TRIM41: variants seen among roughly 807,000 people sequenced by gnomAD.
TRIM41 encodes the protein E3 ubiquitin-protein ligase TRIM41.
In TRIM41, 21 loss-of-function variants were observed where a neutral mutation model predicts 60.6. That is an observed-to-expected ratio of 0.35 (90% CI 0.25 to 0.50). TRIM41 has a LOEUF of 0.50. Among genes scored for constraint, TRIM41 ranks in the 20% least tolerant of loss-of-function variants. The pLI is 0.98. For missense variants in TRIM41, 846 were observed against 868.3 expected, an observed-to-expected ratio of 0.97 and a Z score of 0.32; for synonymous variants, 407 against 344.9, an observed-to-expected ratio of 1.18 and a Z score of -2.00.
Position 181,232,788 on chromosome 5 carries a change from G to A in TRIM41, c.1039G>A (p.Gly347Arg). 6.2e-7 allele frequency: 1 copy of A among 1,610,116 alleles called. No homozygotes were observed. Among genetic ancestry groups the A allele is most frequent in the Non-Finnish European group, 8.5e-7 (1 of 1,178,894 alleles). ...GCATGAAGCCCAGCTGGGGCGTGCGGGAGCCGCGGCTAGTCGCCTTGCAGA... is the reference window on the plus strand; with the variant it reads ...GCATGAAGCCCAGCTGGGGCGTGCGAGAGCCGCGGCTAGTCGCCTTGCAGA... ...EMHEAQLGRA[G>R]AAASRLAEQA... Residue 347 changes from glycine (G) to arginine (R), a missense_variant, in exon 3 of 6, where the codon GGA becomes AGA. Coordinates refer to ENST00000315073, the MANE Select transcript of TRIM41 (RefSeq NM_033549.5).
chr5:181,224,698 C>G lies in TRIM41; in HGVS notation c.699C>G (p.Ala233=), dbSNP rs189073316. 15 of 1,614,086 alleles carry G rather than the reference C, an allele frequency of 9.3e-6. No individual in the cohort carries two copies. The highest frequency in any genetic ancestry group is 1.3e-5 in the Non-Finnish European group (15 of 1,180,050). Residue 233 remains alanine, a synonymous_variant, in exon 1 of 6, where the codon GCC becomes GCG. Transcript: ENST00000315073. ...GCATCTGTCCCAAACACCAAGAAGC[C>G]CTGAAGCTCTTCTGCGAGGTAGACG... is the stretch of plus-strand genomic sequence containing the variant. The part of the protein sequence containing the change: ...DQGICPKHQE[A]LKLFCEVDEE...
chr5:181,233,545 T>A lies in TRIM41; in HGVS notation c.1164-91T>A. ...TCCTTCCCCAGGACCTGAGTTTCCA[T>A]CTCCTGGACCCTCCTCTCCTTCCCC... On this transcript the variant is annotated intron_variant, in intron 4 of 5. Coordinates refer to ENST00000315073, the MANE Select transcript of TRIM41 (RefSeq NM_033549.5). The surrounding 1 kb of genome is among the most constrained non-coding windows in gnomAD (Gnocchi z 4.1). 1 of 1,609,406 alleles carries A rather than the reference T, an allele frequency of 6.2e-7. No homozygotes were observed. Among genetic ancestry groups the A allele is most frequent in the Non-Finnish European group, 8.5e-7 (1 of 1,176,394 alleles).
intron 1 of TRIM41, chr5:181,225,082 G>A (rs1714940089): frequency 3.8e-6 from 2 of 533,188 alleles, no homozygotes; most frequent in South Asian, 2.1e-5. Flanking sequence ...AGGTCTCTAG[G>A]GCTTTACCAG....
chr5:181,224,229 G>C lies in TRIM41; in HGVS notation c.230G>C (p.Gly77Ala). 6.2e-7 allele frequency: 1 copy of C among 1,613,466 alleles called. No homozygotes were observed. Among genetic ancestry groups the C allele is most frequent in the Non-Finnish European group, 8.5e-7 (1 of 1,179,786 alleles). Residue 77 changes from glycine to alanine, a missense_variant, in exon 1 of 6, where the codon GGG (glycine) becomes GCG (alanine). Coordinates refer to ENST00000315073, the MANE Select transcript of TRIM41 (RefSeq NM_033549.5). Reference protein sequence around the residue: ...DGEEEEVEAVGAGAGWDTPMR... With the variant: ...DGEEEEVEAVAAGAGWDTPMR... ...GAGGAGGAGGAAGTGGAGGCTGTGG[G>C]GGCTGGCGCGGGGTGGGACACCCCC...
chr5:181,232,985 G>T, intron 3 of TRIM41, 96 bp downstream of exon 3: 1 of 1,251,512 alleles, frequency 8.0e-7, no homozygotes, highest in South Asian at 1.3e-5. Flanking sequence ...TTTTCTCCCT[G>T]GGAGGAACCC....
In TRIM41 at chr5:181,234,596, C is replaced by T. The variant is rs146494227; in HGVS notation, c.1714C>T (p.Pro572Ser). ...QSSTEQTLLS[P>S]SEKPRRFGVY... is the part of the protein sequence containing the mutation. Reference sequence around the variant, plus strand: ...CTCCACAGAACAGACGCTGCTGAGCCCCAGTGAGAAACCAAGGCGCTTTGG... The same window carrying T: ...CTCCACAGAACAGACGCTGCTGAGCTCCAGTGAGAAACCAAGGCGCTTTGG... Residue 572 changes from proline to serine, a missense_variant, in exon 6 of 6, where the codon CCC becomes TCC. Pro to Ser is a moderately conservative substitution (Grantham distance 74, BLOSUM62 -1). Coordinates refer to ENST00000315073, the MANE Select transcript of TRIM41 (RefSeq NM_033549.5). This position sits in a 1 kb window ranked among gnomAD's most constrained non-coding sequence, Gnocchi z 5.6. The T allele has an allele frequency of 3.1e-6, 5 of 1,614,126 alleles. No individual in the cohort carries two copies. The highest frequency in any genetic ancestry group is 4.2e-6 in the Non-Finnish European group (5 of 1,179,966).
In TRIM41 at chr5:181,233,971, A is replaced by G. The variant is rs2546389; in HGVS notation, c.1292-203A>G. ...GGTGGGGTGGGGTGGAGTGGCAGGA[A>G]GAGCCAGGCTGGGGGAAGACCTGTC... On this transcript the variant is annotated intron_variant, in intron 5 of 5. Transcript: ENST00000315073. This position sits in a 1 kb window ranked among gnomAD's most constrained non-coding sequence, Gnocchi z 4.1. 0.01 allele frequency: 12,095 copies of G among 1,160,506 alleles called. 750 individuals are homozygous for G. In the African/African-American group the frequency reaches 0.15, roughly 14 times the overall value. 71.9% of individuals were successfully genotyped at this position (1,160,506 alleles called of 1,614,324 possible). A position where few individuals can be genotyped will look rare whatever the true frequency, so the allele number is the denominator to read the frequency against.
rs1759090478 is a variant in TRIM41 at position 181,235,795 on chromosome 5, T to C, written c.*1020T>C. On this transcript the variant is annotated 3_prime_UTR_variant, in exon 6 of 6. Coordinates refer to ENST00000315073, the MANE Select transcript of TRIM41 (RefSeq NM_033549.5). ...AAGGCGTGCTGTGGAAATAAAATGT[T>C]TATTTGCTTCTCTTGTGAGGTCTGT... 1 of 205,448 alleles carries C rather than the reference T, an allele frequency of 4.9e-6. No individual in the cohort carries two copies. Among genetic ancestry groups the C allele is most frequent in the African/African-American group, 2.3e-5 (1 of 43,808 alleles). The allele number at this position is 205,448 out of a possible 1,614,324, so 12.7% of individuals were successfully genotyped here. A position where few individuals can be genotyped will look rare whatever the true frequency, so the allele number is the denominator to read the frequency against.
At position 181,224,446 on chromosome 5, in the gene TRIM41, T is replaced by C; in HGVS notation, c.447T>C (p.Asp149=). 6.2e-7 allele frequency: 1 copy of C among 1,611,816 alleles called. No individual in the cohort carries two copies. The highest frequency in any genetic ancestry group is 1.7e-5 in the Admixed American group (1 of 59,856). The change falls in exon 1 of 6, where the codon GAT becomes GAC. Residue 149 remains aspartate (D), a synonymous_variant. Transcript: ENST00000315073. The part of the protein sequence containing the change: ...DMEEEDLRGE[D]EEDEEEVLEE... ...AGGAGGAGGACCTGAGGGGGGAGGA[T>C]GAGGAGGACGAGGAGGAAGTGCTGG...
At position 181,234,130 on chromosome 5, in the gene TRIM41, C is replaced by T. The variant is rs753408841; in HGVS notation, c.1292-44C>T. ...GTGGAGTTGGCTGCTGACAGGGGAA[C>T]AGCCGTTCCAGCCCTGGCGTATTTG... is the stretch of plus-strand genomic sequence containing the variant. On this transcript the variant is annotated intron_variant, in intron 5 of 5. Transcript: ENST00000315073. The surrounding 1 kb of genome is among the most constrained non-coding windows in gnomAD (Gnocchi z 5.6). 6.2e-7 allele frequency: 1 copy of T among 1,601,450 alleles called. No individual in the cohort carries two copies. Among genetic ancestry groups the T allele is most frequent in the Non-Finnish European group, 8.5e-7 (1 of 1,179,794 alleles).
intron 1 of TRIM41, chr5:181,228,558 CAAAAAAAAAAAAA>C (rs1165609216): frequency 2.0e-5 from 1 of 50,384 alleles, no homozygotes; most frequent in Non-Finnish European, 4.3e-5. Context: ...ACTCCCATCT[CAAAAAAAAAAAAA>C]AAAAAAAAAA....
In TRIM41 at chr5:181,235,315, T is replaced by C. The variant is rs1420768657; in HGVS notation, c.*540T>C. The C allele has an allele frequency of 6.2e-7, 1 of 1,614,154 alleles. No individual in the cohort carries two copies. Among genetic ancestry groups the C allele is most frequent in the Admixed American group, 1.7e-5 (1 of 60,024 alleles). ...GTCTATTCTCCTGGGGAGGAGGGAT[T>C]CTAAACTTTCCTTCCGTCCTCAATT... On this transcript the variant is annotated 3_prime_UTR_variant, in exon 6 of 6. Transcript: ENST00000315073.
rs757386225 is a variant in TRIM41 at position 181,234,318 on chromosome 5, A to C, written c.1436A>C (p.Gln479Pro). 6.2e-7 allele frequency: 1 copy of C among 1,611,886 alleles called. No homozygotes were observed. The highest frequency in any genetic ancestry group is 8.5e-7 in the Non-Finnish European group (1 of 1,179,434). The part of the protein sequence containing the change: ...FSADCCVLGA[Q>P]GFRSGRHYWE... ...GCCGACTGCTGCGTACTGGGGGCCC[A>C]GGGCTTCCGCTCCGGCCGGCACTAC... The change falls in exon 6 of 6, where the codon CAG becomes CCG. Residue 479 changes from glutamine (Q) to proline (P), a missense_variant. By Grantham distance (76) the Gln-to-Pro change is moderately conservative. Coordinates refer to ENST00000315073, the MANE Select transcript of TRIM41 (RefSeq NM_033549.5). The surrounding 1 kb of genome is among the most constrained non-coding windows in gnomAD (Gnocchi z 5.6).
In TRIM41 at chr5:181,223,979, A is replaced by ACTGG; in HGVS notation, c.-12_-9dup. The ACTGG allele has an allele frequency of 1.3e-6, 2 of 1,599,060 alleles. No individual in the cohort carries two copies. Among genetic ancestry groups the ACTGG allele is most frequent in the Non-Finnish European group, 1.7e-6 (2 of 1,170,782 alleles). The stretch of plus-strand genomic sequence containing the variant: ...CCTCGCCCCCCCACCGAACCTCTAC[A>ACTGG]CTGGCTGGCTGGACACTAAGATGGC... On this transcript the variant is annotated 5_prime_UTR_variant, in exon 1 of 6. Coordinates refer to ENST00000315073, the MANE Select transcript of TRIM41 (RefSeq NM_033549.5).
In TRIM41 at chr5:181,235,696, TCTTGC is replaced by T; in HGVS notation, c.*926_*930del. ...GGTATAATCTATTTTTCTAGGAGCC[TCTTGC>T]CTTGTCACTTGCAGCTTTCGCCCTC... On this transcript the variant is annotated 3_prime_UTR_variant, in exon 6 of 6. Coordinates refer to ENST00000315073, the MANE Select transcript of TRIM41 (RefSeq NM_033549.5). 2.8e-6 allele frequency: 1 copy of T among 363,334 alleles called. No homozygotes were observed. The highest frequency in any genetic ancestry group is 4.7e-5 in the South Asian group (1 of 21,186). 22.5% of individuals were successfully genotyped at this position (363,334 alleles called of 1,614,324 possible). A position where few individuals can be genotyped will look rare whatever the true frequency, so the allele number is the denominator to read the frequency against.
At position 181,235,225 on chromosome 5, in the gene TRIM41, G is replaced by T; in HGVS notation, c.*450G>T. The T allele has an allele frequency of 6.3e-7, 1 of 1,578,944 alleles. No homozygotes were observed. The highest frequency in any genetic ancestry group is 1.8e-5 in the Admixed American group (1 of 54,622). ...ATTCCATTTTCTGATGCAGATTTTA[G>T]CTGAGGGATTTGGAAGCCATTTGGG... On this transcript the variant is annotated 3_prime_UTR_variant, in exon 6 of 6. Transcript: ENST00000315073.
Position 181,223,379 on chromosome 5 carries a change from GGC to G in TRIM41, c.-620_-619del, listed in dbSNP as rs1330524111. On this transcript the variant is annotated 5_prime_UTR_variant, in exon 1 of 6. The change creates a premature stop within an existing upstream ORF in the 5' untranslated region. Transcript: ENST00000315073. ...TGCGGTGATAGCACCGAAAGCAGAC[GGC>G]CGCCAGGCGCTCCCCCTACCCCCCG... 1 of 399,944 alleles carries G rather than the reference GGC, an allele frequency of 2.5e-6. No homozygotes were observed. The highest frequency in any genetic ancestry group is 4.4e-6 in the Non-Finnish European group (1 of 227,074). The allele number at this position is 399,944 out of a possible 1,614,324, so 24.8% of individuals were successfully genotyped here. A position where few individuals can be genotyped will look rare whatever the true frequency, so the allele number is the denominator to read the frequency against.
At chr5:181,224,913 T>A (rs1350789726) in intron 1 of TRIM41, 101 bp downstream of exon 1, 7 of 1,522,106 alleles carry the variant, frequency 4.6e-6, no homozygotes, top group Non-Finnish European at 9.0e-7. Context: ...CCAAAGAACC[T>A]CATGGTATTG....
rs753826340 is a variant in TRIM41, at chr5:181,224,672, G to A, written c.673G>A (p.Gly225Ser). 6.2e-6 allele frequency: 10 copies of A among 1,614,216 alleles called. No individual in the cohort carries two copies. The South Asian group carries it at 8.8e-5, about 14-fold the overall frequency. ...PGRGSRVTDQ[G>S]ICPKHQEALK... ...TCGAGGGAGCCGCGTGACCGATCAG[G>A]GCATCTGTCCCAAACACCAAGAAGC... The change falls in exon 1 of 6, where the codon GGC (glycine) becomes AGC (serine). Residue 225 changes from glycine to serine, a missense_variant. Gly to Ser is a moderately conservative substitution (Grantham distance 56, BLOSUM62 0). Coordinates refer to ENST00000315073, the MANE Select transcript of TRIM41 (RefSeq NM_033549.5).
Sources: allele counts gnomAD v4.1 joint callset, GRCh38; gene constraint gnomAD v4.1.1; non-coding constraint Gnocchi (gnomAD v3.1); transcripts MANE v1.5; gene names NCBI Gene and HGNC (gene_info 2026-07-23, HGNC 2026-07-21).